Variants in AKT2 observed in about 807,000 individuals in gnomAD.
AKT2 encodes RAC-beta serine/threonine-protein kinase.
A neutral mutation model predicts 58.6 loss-of-function variants in AKT2; 16 were observed. That is an observed-to-expected ratio of 0.27 (90% confidence interval 0.18 to 0.41). The LOEUF (loss-of-function observed/expected upper bound fraction) is 0.41. Among genes scored for constraint, AKT2 ranks in the 10% least tolerant of loss-of-function variants. The pLI is 1.00. For synonymous variants in AKT2, 253 were observed against 254.0 expected (o/e 1.00, Z 0.04); for missense variants, 438 against 661.0 (o/e 0.66, Z 3.70).
Position 40,234,839 on chromosome 19 carries a change from A to G in AKT2, c.1366+206T>C. ...GCCCTGAGCCCCCCGACTGAGCTCC[A>G]GAACGTGCTGCAGTCAATGGCTCCT... is the stretch of plus-strand genomic sequence containing the variant. On this transcript the variant is annotated intron_variant, in intron 13 of 13. Transcript: ENST00000392038. This position sits in a 1 kb window ranked among gnomAD's most constrained non-coding sequence, Gnocchi z 4.7. 1.5e-6 allele frequency: 1 copy of G among 660,436 alleles called. No homozygotes were observed. 40.9% of individuals were successfully genotyped at this position (660,436 alleles called of 1,614,324 possible). A position where few individuals can be genotyped will look rare whatever the true frequency, so the allele number is the denominator to read the frequency against.
chr19:40,276,912 A>G (rs2077337069), intron 1 of AKT2, among the ~76,000 whole-genome samples: 1 of 152,136 alleles, frequency 6.6e-6, no homozygotes, highest in Non-Finnish European at 1.5e-5. Flanking sequence ...AGTCCCAGCT[A>G]CTCAGAAGGC....
At chr19:40,271,506 C>A (rs2077216458) in intron 1 of AKT2, among the ~76,000 whole-genome samples, 1 of 151,412 alleles carries the variant, frequency 6.6e-6, no homozygotes, top group Non-Finnish European at 1.5e-5. Context: ...CTCATGGGAA[C>A]TCAGGAGAAA....
intron 1 of AKT2, chr19:40,275,607 C>T (rs949110706): frequency 1.8e-5 from 5 of 282,132 alleles, no homozygotes; most frequent in East Asian, 8.0e-5. Flanking sequence ...CTTTCCATAA[C>T]GACAGAAATG....
intron 1 of AKT2, among the ~76,000 whole-genome samples, chr19:40,275,742 T>C (rs895375911): frequency 3.6e-5 from 4 of 110,158 alleles, no homozygotes; most frequent in African/African-American, 1.4e-4. Flanking sequence ...CTCACGCCTG[T>C]AATCCCAGCA....
intron 2 of AKT2, among the ~76,000 whole-genome samples, chr19:40,261,905 G>C (rs67193772): frequency 3.6e-5 from 2 of 55,892 alleles, no homozygotes; most frequent in Admixed American, 2.7e-4. Flanking sequence ...TTTCATCCCC[G>C]TTTTTTTTTT....
At position 40,233,575 on chromosome 19, in the gene AKT2, C is replaced by A. The variant is rs557328643; in HGVS notation, c.*297G>T. The A allele has an allele frequency of 7.2e-6, 5 of 693,542 alleles. No homozygotes were observed. The highest frequency in any genetic ancestry group is 6.9e-5 in the African/African-American group (4 of 58,130). The allele number at this position is 693,542 out of a possible 1,614,324, so 43.0% of individuals were successfully genotyped here. ...AGGCCCCAGGCGCCATGCTTCACCC[C>A]TCACTGGGGCTTGTGTGGATTAAAA... On this transcript the variant is annotated 3_prime_UTR_variant, in exon 14 of 14. Coordinates refer to ENST00000392038, the MANE Select transcript of AKT2 (RefSeq NM_001626.6). The surrounding 1 kb of genome is among the most constrained non-coding windows in gnomAD (Gnocchi z 4.3).
intron 2 of AKT2, among the ~76,000 whole-genome samples, chr19:40,257,528 C>A (rs932988172): frequency 1.3e-5 from 2 of 152,040 alleles, no homozygotes; most frequent in Non-Finnish European, 2.9e-5. Flanking sequence ...CCTCCCAGCG[C>A]CCCTTGACTC....
chr19:40,239,422 T>G (rs1974243008), intron 7 of AKT2: 1 of 267,544 alleles, frequency 3.7e-6, no homozygotes, highest in Non-Finnish European at 7.3e-6. Context: ...AGAGAGTTCC[T>G]CAGAGACTCC....
At position 40,254,918 on chromosome 19, in the gene AKT2, C is replaced by A. The variant is rs1975426705; in HGVS notation, c.287+240G>T. On this transcript the variant is annotated intron_variant, in intron 4 of 13. Coordinates refer to ENST00000392038, the MANE Select transcript of AKT2 (RefSeq NM_001626.6). The stretch of plus-strand genomic sequence containing the variant: ...AGGTCTTGAGGCGAGGCCCAGCGGT[C>A]TAGACATTTCACGAGCTCTGCCTGT... Among the ~76,000 whole-genome samples the A allele has an allele frequency of 2.0e-5, 3 of 152,106 alleles. No homozygotes were observed. The South Asian group carries it at 6.2e-4, about 32-fold the overall frequency.
chr19:40,283,603 A>T (rs2077462179), intron 1 of AKT2, among the ~76,000 whole-genome samples: 1 of 152,150 alleles, frequency 6.6e-6, no homozygotes, highest in Non-Finnish European at 1.5e-5. Context: ...GGAACTCCAG[A>T]CCCAGAGCAA....
chr19:40,253,433 A>C (rs1410227934), intron 4 of AKT2, among the ~76,000 whole-genome samples: 3 of 133,946 alleles, frequency 2.2e-5, no homozygotes, highest in Non-Finnish European at 4.7e-5. Flanking sequence ...ATAAATAAGA[A>C]AAAGACCAAC....
chr19:40,279,761 G>A (rs75397302), intron 1 of AKT2: 1,701 of 152,344 alleles, frequency 0.011, 13 homozygotes, highest in Middle Eastern at 0.023. Context: ...GCTGTGGTGG[G>A]GGAATCTCTG....
chr19:40,260,848 T>G (rs1975896976), intron 2 of AKT2, among the ~76,000 whole-genome samples: 1 of 152,136 alleles, frequency 6.6e-6, no homozygotes, highest in African/African-American at 2.4e-5. Flanking sequence ...CTCTGGAGGC[T>G]GAGGCAGGAG....
intron 1 of AKT2, among the ~76,000 whole-genome samples, chr19:40,283,398 C>T (rs2077458097): frequency 6.6e-6 from 1 of 152,208 alleles, no homozygotes; most frequent in Non-Finnish European, 1.5e-5. Flanking sequence ...AGGAACAAAC[C>T]CCTAGTGGAG....
At position 40,233,639 on chromosome 19, in the gene AKT2, G is replaced by T; in HGVS notation, c.*233C>A. The T allele has an allele frequency of 1.3e-6, 1 of 755,638 alleles. No individual in the cohort carries two copies. 46.8% of individuals were successfully genotyped at this position (755,638 alleles called of 1,614,324 possible). ...CCGCCCAACAGCCCAGGCCTGGGCG[G>T]GAGGTGGAGTCTTCCAAATGCGAGT... is the stretch of plus-strand genomic sequence containing the variant. On this transcript the variant is annotated 3_prime_UTR_variant, in exon 14 of 14. Coordinates refer to ENST00000392038, the MANE Select transcript of AKT2 (RefSeq NM_001626.6). This position sits in a 1 kb window ranked among gnomAD's most constrained non-coding sequence, Gnocchi z 4.3.
At chr19:40,282,447 G>A in intron 1 of AKT2, 2 of 478,082 alleles carry the variant, frequency 4.2e-6, no homozygotes, top group Non-Finnish European at 8.5e-6. Context: ...GCACACACCT[G>A]CCCAGGGTTA....
chr19:40,237,208 T>G lies in AKT2; in HGVS notation c.831+761A>C, dbSNP rs1974084941. The G allele has an allele frequency of 6.5e-6, 1 of 154,098 alleles. No individual in the cohort carries two copies. Among genetic ancestry groups the G allele is most frequent in the Non-Finnish European group, 1.4e-5 (1 of 69,424 alleles). 9.5% of individuals were successfully genotyped at this position (154,098 alleles called of 1,614,324 possible). A position where few individuals can be genotyped will look rare whatever the true frequency, so the allele number is the denominator to read the frequency against. ...TGACTGTTCCTCTCACAGTGGATAC[T>G]TGGGTTGTTCCAGTTGGGGCTAGAG... On this transcript the variant is annotated intron_variant, in intron 9 of 13. Coordinates refer to ENST00000392038, the MANE Select transcript of AKT2 (RefSeq NM_001626.6). This position sits in a 1 kb window ranked among gnomAD's most constrained non-coding sequence, Gnocchi z 4.5.
In AKT2 at chr19:40,230,402, G is replaced by A. The variant is rs917737791; in HGVS notation, c.*3470C>T. ...TTCCTGTTAACGGGGCAGCTGAAGC[G>A]GTTGAGGGGTCTACCCCATGGAACC... On this transcript the variant is annotated 3_prime_UTR_variant, in exon 14 of 14. Transcript: ENST00000392038. 1.3e-5 allele frequency: 3 copies of A among 222,900 alleles called. No individual in the cohort carries two copies. Among genetic ancestry groups the A allele is most frequent in the African/African-American group, 4.5e-5 (2 of 44,694 alleles). 13.8% of individuals were successfully genotyped at this position (222,900 alleles called of 1,614,324 possible).
Position 40,232,957 on chromosome 19 carries a change from G to T in AKT2, c.*915C>A, listed in dbSNP as rs901952499. 1.7e-5 allele frequency: 2 copies of T among 120,296 alleles called. No homozygotes were observed. The highest frequency in any genetic ancestry group is 6.7e-5 in the African/African-American group (2 of 29,980). The allele number at this position is 120,296 out of a possible 1,614,324, so 7.5% of individuals were successfully genotyped here. ...CCCACCCCCACCCCTCCCTGACCAA[G>T]TCCATGGGGCCCAATACTGTCCGGT... On this transcript the variant is annotated 3_prime_UTR_variant, in exon 14 of 14. Transcript: ENST00000392038.
Sources: gnomAD v4.1 joint callset for allele counts (sites outside exome capture counted in the v4.1 genomes callset) on GRCh38, gnomAD v4.1.1 for gene constraint, Gnocchi (gnomAD v3.1) non-coding constraint, MANE v1.5 for transcripts, NCBI Gene and HGNC (gene_info 2026-07-23, HGNC 2026-07-21) for gene names.